STX3: variants seen among roughly 807,000 people sequenced by gnomAD.
The protein encoded by STX3 is syntaxin-3.
In STX3, 19 loss-of-function variants were observed where a neutral mutation model predicts 40.2. The observed-to-expected ratio is 0.47, with a 90% CI of 0.33 to 0.69. The LOEUF (loss-of-function observed/expected upper bound fraction) is 0.69, where lower values mean the gene tolerates loss of function less well. Among genes scored for constraint, STX3 ranks in the 30% least tolerant of loss-of-function variants. STX3 has a pLI of 0.02. For synonymous variants in STX3, 122 were observed against 132.2 expected (o/e 0.92, Z 0.53); for missense variants, 364 against 366.7 (o/e 0.99, Z 0.06).
rs767262210 is a variant in STX3, at chr11:59,774,350, G to GA, written c.114+1057dup. Among the ~76,000 whole-genome samples the GA allele has an allele frequency of 8.6e-5, 13 of 151,562 alleles. 1 individual carries two copies. The South Asian group carries it at 2.7e-3, about 32-fold the overall frequency. On this transcript the variant is annotated intron_variant, in intron 2 of 10. Transcript: ENST00000337979. ...TGATAATGTAATTTCCCACAGGTGG[G>GA]ATCACCTGAGCCTAGGAGTTTGAGG...
chr11:59,796,106 A>G (rs1267914663), intron 9 of STX3, among the ~76,000 whole-genome samples: 1 of 151,898 alleles, frequency 6.6e-6, no homozygotes, highest in Non-Finnish European at 1.5e-5. Context: ...CTTTTTCTCT[A>G]CCTTGTACCT....
chr11:59,799,482 G>A (rs1268492464), intron 10 of STX3, among the ~76,000 whole-genome samples: 1 of 152,096 alleles, frequency 6.6e-6, no homozygotes, highest in Non-Finnish European at 1.5e-5. Flanking sequence ...CACAATGTTG[G>A]AGGTTTATGT....
intron 10 of STX3, chr11:59,800,206 C>G: frequency 1.0e-6 from 1 of 985,362 alleles, no homozygotes; most frequent in Non-Finnish European, 1.2e-6. Context: ...TGATTGTTGC[C>G]TAGGTCTGGA....
chr11:59,791,826 G>A (rs1374130051), intron 5 of STX3, among the ~76,000 whole-genome samples: 1 of 152,152 alleles, frequency 6.6e-6, no homozygotes, highest in Non-Finnish European at 1.5e-5. Flanking sequence ...TAGTCCATGT[G>A]GATGTAGGGC....
rs1467061742 is a variant in STX3 at position 59,802,473 on chromosome 11, G to C, written c.*1649G>C. ...CCGGTCACAATCCAGCACTCAGACA[G>C]AGCCAAGGCAATATCCTCTTGCCCA... is the stretch of plus-strand genomic sequence containing the variant. On this transcript the variant is annotated 3_prime_UTR_variant, in exon 11 of 11. Coordinates refer to ENST00000337979, the MANE Select transcript of STX3 (RefSeq NM_004177.5). 6.1e-6 allele frequency: 6 copies of C among 985,708 alleles called. No homozygotes were observed. Among genetic ancestry groups the C allele is most frequent in the Non-Finnish European group, 7.2e-6 (6 of 829,932 alleles). The allele number at this position is 985,708 out of a possible 1,614,324, so 61.1% of individuals were successfully genotyped here.
At chr11:59,756,554 C>T (rs141777786) in intron 1 of STX3, among the ~76,000 whole-genome samples, 1 of 152,288 alleles carries the variant, frequency 6.6e-6, no homozygotes, top group African/African-American at 2.4e-5. Flanking sequence ...TACTTTGGAG[C>T]TTGTTACAAG....
chr11:59,754,446 T>C (rs1436459864), upstream of STX3: 1 of 152,422 alleles, frequency 6.6e-6, no homozygotes, highest in Non-Finnish European at 1.5e-5. Flanking sequence ...GTCCCGTTTA[T>C]GGATCTCCAC....
rs1042691205 is a variant in STX3, at chr11:59,755,413, G to A, written c.-193G>A. The A allele has an allele frequency of 1.5e-5, 7 of 469,420 alleles. No individual in the cohort carries two copies. Among genetic ancestry groups the A allele is most frequent in the African/African-American group, 1.2e-4 (6 of 48,582 alleles). The allele number at this position is 469,420 out of a possible 1,614,324, so 29.1% of individuals were successfully genotyped here. Reference sequence around the variant, plus strand: ...CGAGGCGCCGGTGGGGGCGGAGGGGGCTGCGCGGCGGAGGCTCCCGTGGCC... The same window carrying A: ...CGAGGCGCCGGTGGGGGCGGAGGGGACTGCGCGGCGGAGGCTCCCGTGGCC... On this transcript the variant is annotated 5_prime_UTR_variant, in exon 1 of 11. Coordinates refer to ENST00000337979, the MANE Select transcript of STX3 (RefSeq NM_004177.5).
At chr11:59,771,034 C>T (rs562991074) in intron 1 of STX3, among the ~76,000 whole-genome samples, 36 of 152,224 alleles carry the variant, frequency 2.4e-4, no homozygotes, top group African/African-American at 7.5e-4. Context: ...CTCAGGGAGC[C>T]TGGGTCACGG....
rs1192543777 is a variant in STX3 at position 59,804,845 on chromosome 11, T to C, written c.*4021T>C. The C allele has an allele frequency of 2.0e-5, 3 of 152,210 alleles. No homozygotes were observed. Among genetic ancestry groups the C allele is most frequent in the Non-Finnish European group, 4.4e-5 (3 of 68,054 alleles). The allele number at this position is 152,210 out of a possible 1,614,324, so 9.4% of individuals were successfully genotyped here. ...AGGTGAAATGAGGTTATCACTCACT[T>C]CACCTCTCACCTGATTTGTGTTGCT... On this transcript the variant is annotated 3_prime_UTR_variant, in exon 11 of 11. Transcript: ENST00000337979.
chr11:59,759,553 C>G (rs1013111220), intron 1 of STX3, among the ~76,000 whole-genome samples: 3 of 152,166 alleles, frequency 2.0e-5, no homozygotes, highest in African/African-American at 7.2e-5. Context: ...AATGGAGAAG[C>G]CAGTGATGTA....
At chr11:59,791,939 G>A (rs1865193384) in intron 5 of STX3, among the ~76,000 whole-genome samples, 168 bp from the exon 6 acceptor site, 2 of 152,194 alleles carry the variant, frequency 1.3e-5, no homozygotes, top group Admixed American at 6.5e-5. Context: ...GGAAAGGGCA[G>A]TGGACTCTCC....
chr11:59,762,190 T>C (rs962471063), intron 1 of STX3, among the ~76,000 whole-genome samples: 1 of 152,214 alleles, frequency 6.6e-6, no homozygotes, highest in Non-Finnish European at 1.5e-5. Flanking sequence ...TGTTTTCTAG[T>C]GCTCTGGAAG....
At chr11:59,774,527 G>A (rs991010093) in intron 2 of STX3, among the ~76,000 whole-genome samples, 1 of 151,980 alleles carries the variant, frequency 6.6e-6, no homozygotes, top group Non-Finnish European at 1.5e-5. Context: ...TCCCCATTGA[G>A]TTGCATAAGG....
chr11:59,762,964 T>G (rs1383152832), intron 1 of STX3, among the ~76,000 whole-genome samples: 1 of 152,182 alleles, frequency 6.6e-6, no homozygotes, highest in Non-Finnish European at 1.5e-5. Flanking sequence ...TAAGCTTCCA[T>G]CTTCCCCAGG....
At position 59,803,279 on chromosome 11, in the gene STX3, G is replaced by A; in HGVS notation, c.*2455G>A. 2 of 1,231,664 alleles carry A rather than the reference G, an allele frequency of 1.6e-6. No homozygotes were observed. Among genetic ancestry groups the A allele is most frequent in the Non-Finnish European group, 1.0e-6 (1 of 987,958 alleles). The allele number at this position is 1,231,664 out of a possible 1,614,324, so 76.3% of individuals were successfully genotyped here. On this transcript the variant is annotated 3_prime_UTR_variant, in exon 11 of 11. Transcript: ENST00000337979. ...GCGATCATCTTAGCTTCCACCATTGGGAGCATATTTGCCTGAAAAAGGTGA... is the reference window on the plus strand; with the variant it reads ...GCGATCATCTTAGCTTCCACCATTGAGAGCATATTTGCCTGAAAAAGGTGA...
chr11:59,799,359 A>C (rs1007363977), intron 10 of STX3, among the ~76,000 whole-genome samples: 1 of 152,238 alleles, frequency 6.6e-6, no homozygotes, highest in African/African-American at 2.4e-5. Context: ...TATATTATCC[A>C]GTTTTGTACC....
Position 59,760,477 on chromosome 11 carries a change from C to A in STX3, c.30+4842C>A, listed in dbSNP as rs985840827. 2.0e-5 allele frequency among the ~76,000 whole-genome samples: 3 copies of A among 151,568 alleles called. No individual in the cohort carries two copies. The South Asian group carries it at 6.3e-4, about 32-fold the overall frequency. On this transcript the variant is annotated intron_variant, in intron 1 of 10. Coordinates refer to ENST00000337979, the MANE Select transcript of STX3 (RefSeq NM_004177.5). The stretch of plus-strand genomic sequence containing the variant: ...ATGGAGTGGGTTTGAAACCACTGTC[C>A]GTTGCTTTTTATAAGTTAGACCCTT...
At chr11:59,800,592 C>G (rs1407142293) in intron 10 of STX3, 1 of 985,304 alleles carries the variant, frequency 1.0e-6, no homozygotes, top group Non-Finnish European at 1.2e-6. Flanking sequence ...TCCCTTCCCA[C>G]CACGTCCTTC....
Sources: gnomAD v4.1 joint callset for allele counts (sites outside exome capture counted in the v4.1 genomes callset) on GRCh38, gnomAD v4.1.1 for gene constraint, MANE v1.5 for transcripts, NCBI Gene and HGNC (gene_info 2026-07-23, HGNC 2026-07-21) for gene names.